The following DLGAP2 variants were observed in gnomAD, a reference collection of about 807,000 sequenced individuals.
DLGAP2 encodes DLG associated protein 2, also known as disks large-associated protein 2.
Under a neutral mutation model 100.3 loss-of-function variants are expected in DLGAP2, and 26 were observed. The ratio of observed to expected loss-of-function variants is 0.26; its 90% confidence interval spans 0.19 to 0.36. DLGAP2 has a LOEUF of 0.36. Ranked by LOEUF, DLGAP2 falls within the 10% of genes least tolerant of loss-of-function variation. The pLI is 1.00. For missense variants in DLGAP2, 1,858 were observed against 1,453.2 expected (o/e 1.28, Z -4.53); for synonymous variants, 886 against 630.1 (o/e 1.41, Z -6.08).
intron 3 of DLGAP2, among the ~76,000 whole-genome samples, chr8:1,372,382 G>A (rs1802262286): frequency 1.3e-5 from 2 of 152,190 alleles, no homozygotes; most frequent in Non-Finnish European, 2.9e-5. Flanking sequence ...GACTCTGCAG[G>A]CGAGCAAAGC....
intron 6 of DLGAP2, among the ~76,000 whole-genome samples, chr8:1,584,024 C>G (rs1185956517): frequency 5.3e-5 from 8 of 152,102 alleles, no homozygotes; most frequent in South Asian, 2.1e-4. Context: ...TATTTCCTCA[C>G]TGCTCGTGCT....
chr8:1,446,280 G>A (rs1322150471), intron 3 of DLGAP2, among the ~76,000 whole-genome samples: 1 of 152,086 alleles, frequency 6.6e-6, no homozygotes, highest in Non-Finnish European at 1.5e-5. Context: ...AAGGTGTAAG[G>A]AAGGGATCCA....
intron 2 of DLGAP2, among the ~76,000 whole-genome samples, chr8:1,242,894 C>G (rs549884712): frequency 6.7e-6 from 1 of 149,876 alleles, no homozygotes; most frequent in Non-Finnish European, 1.5e-5. Flanking sequence ...ACAGGTGAAT[C>G]CATGGATTGA....
At chr8:1,118,087 C>G (rs1229373406) in intron 2 of DLGAP2, among the ~76,000 whole-genome samples, 1 of 152,166 alleles carries the variant, frequency 6.6e-6, no homozygotes, top group East Asian at 1.9e-4. Flanking sequence ...TACCTCAGCT[C>G]CCAAAAGCAT....
chr8:1,669,262 A>G (rs769289359), intron 9 of DLGAP2, among the ~76,000 whole-genome samples: 3 of 152,186 alleles, frequency 2.0e-5, no homozygotes, highest in Non-Finnish European at 2.9e-5. Context: ...CCCGCCGTCC[A>G]TCTGGGCCCC....
At chr8:1,264,262 A>G (rs567171261) in intron 3 of DLGAP2, among the ~76,000 whole-genome samples, 9 of 152,246 alleles carry the variant, frequency 5.9e-5, no homozygotes, top group African/African-American at 9.6e-5. Context: ...CTGAGATGCA[A>G]TCCCAGAAAG....
chr8:1,104,325 T>C (rs1804683601), intron 2 of DLGAP2, among the ~76,000 whole-genome samples: 2 of 151,886 alleles, frequency 1.3e-5, no homozygotes, highest in African/African-American at 4.8e-5. Flanking sequence ...AGCACAGCCA[T>C]GTTACATCAC....
intron 3 of DLGAP2, among the ~76,000 whole-genome samples, chr8:1,390,293 A>G (rs1194083455): frequency 6.6e-6 from 1 of 152,202 alleles, no homozygotes. Flanking sequence ...TGTCACCTAC[A>G]CAACGCTGTG....
At chr8:1,296,925 G>A (rs59379693) in intron 3 of DLGAP2, 1,970 of 152,940 alleles carry the variant, frequency 0.013, 50 homozygotes, top group African/African-American at 0.044. Flanking sequence ...TGGCACTGGG[G>A]TGGGGTGGAG....
At chr8:1,185,356 G>A (rs1359704782) in intron 2 of DLGAP2, among the ~76,000 whole-genome samples, 1 of 152,082 alleles carries the variant, frequency 6.6e-6, no homozygotes, top group Non-Finnish European at 1.5e-5. Flanking sequence ...CTGGAATCAG[G>A]TGTTGTCTCC....
In DLGAP2 at chr8:1,669,769, A is replaced by C. The variant is rs775220630; in HGVS notation, c.2187A>C (p.Pro729=). The C allele has an allele frequency of 3.8e-6, 3 of 780,812 alleles. No individual in the cohort carries two copies. Among genetic ancestry groups the C allele is most frequent in the Non-Finnish European group, 7.2e-6 (3 of 418,008 alleles). 48.4% of individuals were successfully genotyped at this position (780,812 alleles called of 1,614,324 possible). ...ATTCTGAATTCCCAGAGCATCAGCC[A>C]TACCCAAGGTCAGATGTAAGTACCG... ...IQDSEFPEHQ[P]YPRSDVETAT... is the part of the protein sequence containing the mutation. The change falls in exon 10 of 15, where the codon CCA becomes CCC. Residue 729 remains proline, a synonymous_variant. Transcript: ENST00000637795.
intron 6 of DLGAP2, among the ~76,000 whole-genome samples, chr8:1,568,980 C>T (rs1434639315): frequency 6.8e-6 from 1 of 147,112 alleles, no homozygotes; most frequent in Non-Finnish European, 1.5e-5. Flanking sequence ...AGACACAAAT[C>T]CATCTCTGCC....
intron 2 of DLGAP2, among the ~76,000 whole-genome samples, chr8:1,076,900 C>A (rs1417223416): frequency 6.9e-6 from 1 of 144,816 alleles, no homozygotes; most frequent in Non-Finnish European, 1.5e-5. Flanking sequence ...GGAGTCTGTC[C>A]CGGCCCCCCC....
At chr8:1,162,759 G>T (rs1177138156) in intron 2 of DLGAP2, among the ~76,000 whole-genome samples, 1 of 152,104 alleles carries the variant, frequency 6.6e-6, no homozygotes, top group East Asian at 2.0e-4. Context: ...TGTGTCCGTT[G>T]TCTGTACTGT....
At chr8:870,918 C>A (rs937447704) in intron 1 of DLGAP2, among the ~76,000 whole-genome samples, 1 of 152,206 alleles carries the variant, frequency 6.6e-6, no homozygotes. Flanking sequence ...TCTCTGTGAC[C>A]ATCCTGTGGT....
At chr8:1,522,836 A>G (rs552079750) in intron 4 of DLGAP2, among the ~76,000 whole-genome samples, 12 of 152,338 alleles carry the variant, frequency 7.9e-5, no homozygotes, top group African/African-American at 2.4e-4. Flanking sequence ...GCCTCATGGG[A>G]TATCAAGAGG....
At chr8:1,533,884 G>C (rs951485057) in intron 4 of DLGAP2, among the ~76,000 whole-genome samples, 1 of 152,186 alleles carries the variant, frequency 6.6e-6, no homozygotes, top group African/African-American at 2.4e-5. Flanking sequence ...TTGAGCGGGA[G>C]TTTGAGGCGA....
chr8:1,531,072 T>C (rs1423943656), intron 4 of DLGAP2, among the ~76,000 whole-genome samples: 1 of 152,224 alleles, frequency 6.6e-6, no homozygotes, highest in Non-Finnish European at 1.5e-5. Flanking sequence ...TGAGAAACCA[T>C]AAAGTTTCCA....
chr8:1,656,325 T>G (rs1798284409), intron 8 of DLGAP2, among the ~76,000 whole-genome samples: 1 of 150,800 alleles, frequency 6.6e-6, no homozygotes, highest in African/African-American at 2.4e-5. Context: ...AAAAAAAAAG[T>G]TTGAGCCATT....
Sources: gnomAD v4.1 joint callset for allele counts (sites outside exome capture counted in the v4.1 genomes callset) on GRCh38, gnomAD v4.1.1 for gene constraint, MANE v1.5 for transcripts, NCBI Gene and HGNC (gene_info 2026-07-23, HGNC 2026-07-21) for gene names.